MAN1C1: variants seen among roughly 807,000 people sequenced by gnomAD.
The protein encoded by MAN1C1 is mannosyl-oligosaccharide 1,2-alpha-mannosidase IC.
Under a neutral mutation model 71.5 loss-of-function variants are expected in MAN1C1, and 49 were observed. That is an observed-to-expected ratio of 0.69 (90% CI 0.54 to 0.87). MAN1C1 has a LOEUF of 0.87. Ranked by LOEUF, MAN1C1 falls within the 40% of genes least tolerant of loss-of-function variation. MAN1C1 has a pLI of 0.00. For synonymous variants in MAN1C1, 352 were observed against 343.7 expected (o/e 1.02, Z -0.27); for missense variants, 743 against 835.0 (o/e 0.89, Z 1.36).
At chr1:25,653,670 G>A (rs1170607681) in intron 1 of MAN1C1, among the ~76,000 whole-genome samples, 9 of 152,202 alleles carry the variant, frequency 5.9e-5, no homozygotes, top group African/African-American at 2.4e-5. Flanking sequence ...TCCCCAGAAC[G>A]AGGCTGCTGT....
rs749643460 is a variant in MAN1C1 at position 25,724,270 on chromosome 1, G to A, written c.638-22398G>A. Among the ~76,000 whole-genome samples, 8 of 151,996 alleles carry A rather than the reference G, an allele frequency of 5.3e-5. No homozygotes were observed. In the South Asian group the frequency reaches 8.3e-4, roughly 16 times the overall value. On this transcript the variant is annotated intron_variant, in intron 2 of 11. Transcript: ENST00000374332. ...TCTCGATCTCCTGATCTTGTGATCCGCCCACCTGGCCTCCCAAAGTCCTGG... is the reference window on the plus strand; with the variant it reads ...TCTCGATCTCCTGATCTTGTGATCCACCCACCTGGCCTCCCAAAGTCCTGG...
At chr1:25,632,466 C>T (rs981035980) in intron 1 of MAN1C1, among the ~76,000 whole-genome samples, 2 of 151,918 alleles carry the variant, frequency 1.3e-5, no homozygotes, top group Admixed American at 6.6e-5. Flanking sequence ...TTTATTTCAT[C>T]TTTTGTATTT....
intron 1 of MAN1C1, among the ~76,000 whole-genome samples, chr1:25,620,413 A>G (rs1352761212): frequency 6.6e-6 from 1 of 151,638 alleles, no homozygotes; most frequent in Non-Finnish European, 1.5e-5. Flanking sequence ...GCTTCCTGCC[A>G]CTGACCACGC....
At chr1:25,677,613 G>A (rs1431558329) in intron 1 of MAN1C1, among the ~76,000 whole-genome samples, 2 of 152,052 alleles carry the variant, frequency 1.3e-5, no homozygotes, top group South Asian at 2.1e-4. Context: ...CACTGCCCTG[G>A]CCCATGTTTC....
At chr1:25,780,917 C>T in intron 9 of MAN1C1, 23 bp from the exon 10 acceptor site, 1 of 1,610,928 alleles carries the variant, frequency 6.2e-7, no homozygotes, top group South Asian at 1.1e-5. Context: ...TGACCTGGGC[C>T]CTCTGCTTGG....
At chr1:25,763,636 A>G in intron 6 of MAN1C1, 1 of 522,356 alleles carries the variant, frequency 1.9e-6, no homozygotes, top group East Asian at 3.4e-5. Flanking sequence ...TGCCAGGCAG[A>G]GCAGTCAGTG....
At chr1:25,714,234 C>T (rs573070078) in intron 2 of MAN1C1, among the ~76,000 whole-genome samples, 25 of 152,224 alleles carry the variant, frequency 1.6e-4, no homozygotes, top group Middle Eastern at 3.4e-3. Flanking sequence ...GGTAAATGGT[C>T]TTTAATTAAA....
At chr1:25,638,365 T>C (rs1254750340) in intron 1 of MAN1C1, among the ~76,000 whole-genome samples, 1 of 152,230 alleles carries the variant, frequency 6.6e-6, no homozygotes, top group East Asian at 1.9e-4. Context: ...CTGCTATGTA[T>C]GTTATAAACC....
At chr1:25,629,770 G>C (rs1471238681) in intron 1 of MAN1C1, among the ~76,000 whole-genome samples, 5 of 151,020 alleles carry the variant, frequency 3.3e-5, no homozygotes, top group Non-Finnish European at 7.4e-5. Context: ...TGAGTTTCTT[G>C]TGGTTTTTAG....
At chr1:25,669,791 T>C (rs2045970930) in intron 1 of MAN1C1, among the ~76,000 whole-genome samples, 1 of 152,012 alleles carries the variant, frequency 6.6e-6, no homozygotes. Context: ...TCTCTAAAAA[T>C]ACACAGATAC....
chr1:25,731,282 C>T (rs2046905496), intron 2 of MAN1C1, among the ~76,000 whole-genome samples: 1 of 152,216 alleles, frequency 6.6e-6, no homozygotes, highest in African/African-American at 2.4e-5. Context: ...TGCACTGCAG[C>T]TTGGACAACA....
rs1403135416 is a variant in MAN1C1, at chr1:25,681,738, G to A, written c.541-4702G>A. On this transcript the variant is annotated intron_variant, in intron 1 of 11. Transcript: ENST00000374332. ...AACTGTTCTCCAAAGTGGCCGCACCGTTTTCATTCCAACCAGCCATGTATG... is the reference window on the plus strand; with the variant it reads ...AACTGTTCTCCAAAGTGGCCGCACCATTTTCATTCCAACCAGCCATGTATG... Among the ~76,000 whole-genome samples the A allele has an allele frequency of 5.3e-5, 8 of 152,262 alleles. No individual in the cohort carries two copies. In the East Asian group the frequency reaches 1.4e-3, roughly 26 times the overall value.
At chr1:25,699,869 T>TC (rs1422351611) in intron 2 of MAN1C1, among the ~76,000 whole-genome samples, 1 of 152,112 alleles carries the variant, frequency 6.6e-6, no homozygotes, top group African/African-American at 2.4e-5. Flanking sequence ...GGGCTTCACT[T>TC]CCCGCTGCCA....
At chr1:25,679,865 CTTTTTT>C (rs71014381) in intron 1 of MAN1C1, among the ~76,000 whole-genome samples, 1 of 140,770 alleles carries the variant, frequency 7.1e-6, no homozygotes, top group Non-Finnish European at 1.5e-5. Flanking sequence ...TTTTCTTTTT[CTTTTTT>C]TTCTTTTTTT....
At chr1:25,621,933 C>T (rs550651073) in intron 1 of MAN1C1, among the ~76,000 whole-genome samples, 1 of 152,022 alleles carries the variant, frequency 6.6e-6, no homozygotes, top group Non-Finnish European at 1.5e-5. Flanking sequence ...CTGGCCAGTG[C>T]TTGGTTGTTG....
chr1:25,751,014 C>G (rs1476918694), intron 4 of MAN1C1, among the ~76,000 whole-genome samples: 2 of 152,012 alleles, frequency 1.3e-5, no homozygotes, highest in South Asian at 2.1e-4. Context: ...TTCCTTCTGT[C>G]CTTCCATCCA....
Position 25,728,646 on chromosome 1 carries a change from C to T in MAN1C1, c.638-18022C>T, listed in dbSNP as rs541234870. 8.5e-5 allele frequency among the ~76,000 whole-genome samples: 13 copies of T among 152,268 alleles called. No individual in the cohort carries two copies. The South Asian group carries it at 2.5e-3, about 29-fold the overall frequency. ...CTTCAGGTTGTAACACCCAAGATTG[C>T]CTCGGCCTTGGAATATCCATGAATG... On this transcript the variant is annotated intron_variant, in intron 2 of 11. Coordinates refer to ENST00000374332, the MANE Select transcript of MAN1C1 (RefSeq NM_020379.4).
rs1491017681 is a variant in MAN1C1, at chr1:25,769,264, ACT to A, written c.1142-2389_1142-2388del. ...ACACCACACTCCTTGACACACACACACTCTCCCTACACACACATCCACACACC... is the reference window on the plus strand; with the variant it reads ...ACACCACACTCCTTGACACACACACACTCCCTACACACACATCCACACACC... On this transcript the variant is annotated intron_variant, in intron 7 of 11. Transcript: ENST00000374332. The surrounding 1 kb of genome is among the most constrained non-coding windows in gnomAD (Gnocchi z 4.8). 6.8e-6 allele frequency among the ~76,000 whole-genome samples: 1 copy of A among 146,074 alleles called. No homozygotes were observed. Among genetic ancestry groups the A allele is most frequent in the Admixed American group, 6.8e-5 (1 of 14,640 alleles).
intron 2 of MAN1C1, among the ~76,000 whole-genome samples, chr1:25,741,178 C>T (rs2047058977): frequency 6.6e-6 from 1 of 151,970 alleles, no homozygotes; most frequent in Non-Finnish European, 1.5e-5. Context: ...GACAGGGTTT[C>T]ACTATGTTGG....
Sources: gnomAD v4.1 joint callset for allele counts (sites outside exome capture counted in the v4.1 genomes callset) on GRCh38, gnomAD v4.1.1 for gene constraint, Gnocchi (gnomAD v3.1) non-coding constraint, MANE v1.5 for transcripts, NCBI Gene and HGNC (gene_info 2026-07-23, HGNC 2026-07-21) for gene names.